Variants in ADAM28 observed in about 807,000 individuals in gnomAD.
The protein encoded by ADAM28 is ADAM metallopeptidase domain 28, also known as disintegrin and metalloproteinase domain-containing protein 28.
ADAM28 carries 105 observed loss-of-function variants against 101.2 expected under a neutral mutation model. The ratio of observed to expected loss-of-function variants is 1.04; its 90% CI spans 0.89 to 1.22. ADAM28 has a LOEUF of 1.22. Among genes scored for constraint, ADAM28 ranks in the 50% most tolerant of loss-of-function variants. ADAM28 has a pLI of 0.00. For synonymous variants in ADAM28, 322 were observed against 310.6 expected, an observed-to-expected ratio of 1.04 and a Z score of -0.39; for missense variants, 1,028 against 945.4, an observed-to-expected ratio of 1.09 and a Z score of -1.15.
At chr8:24,305,451 CTTTTTTTTTTTTT>C (rs10654023) in intron 2 of ADAM28, among the ~76,000 whole-genome samples, 1 of 65,446 alleles carries the variant, frequency 1.5e-5, no homozygotes, top group Non-Finnish European at 2.9e-5. Flanking sequence ...TAAGAGGTTT[CTTTTTTTTTTTTT>C]TTTTTTTTTT....
intron 2 of ADAM28, chr8:24,300,771 C>A (rs903482616): frequency 6.6e-6 from 1 of 152,128 alleles, no homozygotes; most frequent in African/African-American, 2.4e-5. Flanking sequence ...AAATTGGATG[C>A]TATCTCTCTA....
rs1307854006 is a variant in ADAM28, at chr8:24,354,439, T to G, written c.*35T>G. Reference sequence around the variant, plus strand: ...TAAGCAAGAACTAATGGCTAAATTATCAACTTGGAAAACTGGAAAATCTGG... The same window carrying G: ...TAAGCAAGAACTAATGGCTAAATTAGCAACTTGGAAAACTGGAAAATCTGG... On this transcript the variant is annotated 3_prime_UTR_variant, in exon 23 of 23. Coordinates refer to ENST00000265769, the MANE Select transcript of ADAM28 (RefSeq NM_014265.6). The G allele has an allele frequency of 8.8e-6, 14 of 1,597,108 alleles. No individual in the cohort carries two copies. In the East Asian group the frequency reaches 1.6e-4, roughly 18 times the overall value.
rs1171705692 is a variant in ADAM28, at chr8:24,355,413, A to AG, written c.*1012dup. On this transcript the variant is annotated 3_prime_UTR_variant, in exon 23 of 23. Coordinates refer to ENST00000265769, the MANE Select transcript of ADAM28 (RefSeq NM_014265.6). The stretch of plus-strand genomic sequence containing the variant: ...ATATCCTATCTAATCTATCTATCTC[A>AG]GGGATAAATCCCTATCCTTTTAAGT... 2.0e-5 allele frequency: 3 copies of AG among 150,678 alleles called. No homozygotes were observed. The highest frequency in any genetic ancestry group is 3.0e-5 in the Non-Finnish European group (2 of 67,692). The allele number at this position is 150,678 out of a possible 1,614,324, so 9.3% of individuals were successfully genotyped here.
chr8:24,313,838 T>A (rs977889087), intron 6 of ADAM28, among the ~76,000 whole-genome samples: 1 of 151,166 alleles, frequency 6.6e-6, no homozygotes, highest in Non-Finnish European at 1.5e-5. Flanking sequence ...GCCCATCACA[T>A]CTTCCACCTC....
chr8:24,314,330 A>ATAGACATAGAAT (rs1263752746), intron 6 of ADAM28, among the ~76,000 whole-genome samples: 4 of 152,134 alleles, frequency 2.6e-5, no homozygotes, highest in Non-Finnish European at 5.9e-5. Context: ...AATGAGCAAA[A>ATAGACATAGAAT]TAGACATAGA....
At chr8:24,300,569 C>T (rs1808603802) in intron 2 of ADAM28, among the ~76,000 whole-genome samples, 1 of 152,102 alleles carries the variant, frequency 6.6e-6, no homozygotes, top group Non-Finnish European at 1.5e-5. Flanking sequence ...GCGCCCGCCA[C>T]CACGCTCGGC....
intron 10 of ADAM28, 101 bp from the exon 11 acceptor site, chr8:24,329,884 T>TGAGA (rs775151775): frequency 1.9e-3 from 1,380 of 709,914 alleles, no homozygotes; most frequent in African/African-American, 7.2e-3. Context: ...TGTGTGTGTG[T>TGAGA]GTGAGAGAGA....
intron 2 of ADAM28, among the ~76,000 whole-genome samples, chr8:24,306,111 G>C (rs1809572035): frequency 6.6e-6 from 1 of 151,842 alleles, no homozygotes; most frequent in African/African-American, 2.4e-5. Flanking sequence ...GCCGAGGCGG[G>C]TGGATGACGA....
Position 24,320,249 on chromosome 8 carries a change from G to A in ADAM28, c.590G>A (p.Arg197Lys). 2 of 1,596,790 alleles carry A rather than the reference G, an allele frequency of 1.3e-6. No individual in the cohort carries two copies. The highest frequency in any genetic ancestry group is 2.7e-5 in the African/African-American group (2 of 74,308). The change falls in exon 7 of 23, where the codon AGG (arginine) becomes AAG (lysine). Residue 197 changes from arginine to lysine, a missense_variant. By Grantham distance (26) the Arg-to-Lys change is conservative. Transcript: ENST00000265769. ...TTTATATTTCAGAAATTGAAAGACAGGAAGGTTCAGGAACATGAGAAATAC... is the reference window on the plus strand; with the variant it reads ...TTTATATTTCAGAAATTGAAAGACAAGAAGGTTCAGGAACATGAGAAATAC... ...PATKLVKLKD[R>K]KVQEHEKYIE...
At position 24,332,686 on chromosome 8, in the gene ADAM28, T is replaced by C. The variant is rs774105653; in HGVS notation, c.1308T>C (p.Ala436=). The change falls in exon 13 of 23, where the codon GCT becomes GCC. Residue 436 remains alanine, a synonymous_variant. Coordinates refer to ENST00000265769, the MANE Select transcript of ADAM28 (RefSeq NM_014265.6). ...SEECTNICCD[A]KTCKIKATFQ... is the part of the protein sequence containing the mutation. ...AATGTACCAATATTTGCTGTGATGCTAAGACATGTAAAATCAAAGCAACTT... is the reference window on the plus strand; with the variant it reads ...AATGTACCAATATTTGCTGTGATGCCAAGACATGTAAAATCAAAGCAACTT... 1 of 1,525,896 alleles carries C rather than the reference T, an allele frequency of 6.6e-7. No individual in the cohort carries two copies. The highest frequency in any genetic ancestry group is 1.4e-5 in the South Asian group (1 of 73,338). 94.5% of individuals were successfully genotyped at this position (1,525,896 alleles called of 1,614,324 possible).
intron 11 of ADAM28, 96 bp from the exon 12 acceptor site, chr8:24,331,054 G>T: frequency 8.0e-7 from 1 of 1,246,892 alleles, no homozygotes. Flanking sequence ...TTGTCTTTTG[G>T]GGCAGGCCGT....
At chr8:24,349,064 T>C (rs1272125228) in intron 18 of ADAM28, among the ~76,000 whole-genome samples, 1 of 152,226 alleles carries the variant, frequency 6.6e-6, no homozygotes. Context: ...TTCTGATGTG[T>C]CTACCTCTAT....
rs1486772682 is a variant in ADAM28 at position 24,357,737 on chromosome 8, A to C, written c.*3333A>C. The C allele has an allele frequency of 6.7e-6, 1 of 149,676 alleles. No individual in the cohort carries two copies. The highest frequency in any genetic ancestry group is 2.5e-5 in the African/African-American group (1 of 40,542). 9.3% of individuals were successfully genotyped at this position (149,676 alleles called of 1,614,324 possible). A position where few individuals can be genotyped will look rare whatever the true frequency, so the allele number is the denominator to read the frequency against. Reference sequence around the variant, plus strand: ...GGTTTAGGTAAAATTAACTATATTTAATAGGCTTTCATCACTGCAAAACTT... The same window carrying C: ...GGTTTAGGTAAAATTAACTATATTTCATAGGCTTTCATCACTGCAAAACTT... On this transcript the variant is annotated 3_prime_UTR_variant, in exon 23 of 23. Coordinates refer to ENST00000265769, the MANE Select transcript of ADAM28 (RefSeq NM_014265.6).
At chr8:24,306,108 C>A (rs930472630) in intron 2 of ADAM28, among the ~76,000 whole-genome samples, 2 of 151,662 alleles carry the variant, frequency 1.3e-5, no homozygotes, top group African/African-American at 2.4e-5. Flanking sequence ...GAGGCCGAGG[C>A]GGGTGGATGA....
chr8:24,333,405 T>C (rs1449392724), intron 13 of ADAM28, among the ~76,000 whole-genome samples: 3 of 152,234 alleles, frequency 2.0e-5, no homozygotes, highest in Non-Finnish European at 4.4e-5. Flanking sequence ...CATTTCTTTC[T>C]AAAATTGTTT....
intron 11 of ADAM28, 109 bp downstream of exon 11, chr8:24,330,224 C>G: frequency 7.4e-7 from 1 of 1,355,496 alleles, no homozygotes. Context: ...TTTTGAGTCA[C>G]TAAATGTGCA....
rs1172060924 is a variant in ADAM28 at position 24,331,237 on chromosome 8, T to C, written c.1191T>C (p.Asn397=). Residue 397 remains asparagine (N), a synonymous_variant, in exon 12 of 23, where the codon AAT becomes AAC. Transcript: ENST00000265769. ...ATAAATTATCAAATTGCCTCTTTAA[T>C]GCTCCATTGCCTACAGATATCATAT... ...FEDKLSNCLF[N]APLPTDIIST... 3 of 1,613,562 alleles carry C rather than the reference T, an allele frequency of 1.9e-6. No homozygotes were observed. Among genetic ancestry groups the C allele is most frequent in the Admixed American group, 3.3e-5 (2 of 59,954 alleles).
At chr8:24,327,151 C>T (rs1425103268) in intron 10 of ADAM28, among the ~76,000 whole-genome samples, 4 of 152,038 alleles carry the variant, frequency 2.6e-5, no homozygotes, top group African/African-American at 7.2e-5. Flanking sequence ...AAAACCCCAT[C>T]GTATCAGCCA....
intron 9 of ADAM28, among the ~76,000 whole-genome samples, chr8:24,325,316 T>C (rs1161057036): frequency 1.3e-5 from 2 of 151,922 alleles, no homozygotes; most frequent in Non-Finnish European, 2.9e-5. Context: ...AGAATAAAGA[T>C]ACGATGAAAG....
Sources: gnomAD v4.1 joint callset for allele counts (sites outside exome capture counted in the v4.1 genomes callset) on GRCh38, gnomAD v4.1.1 for gene constraint, MANE v1.5 for transcripts, NCBI Gene and HGNC (gene_info 2026-07-23, HGNC 2026-07-21) for gene names.